Variants in MRTFA observed in about 807,000 individuals in gnomAD.
MRTFA encodes myocardin related transcription factor A, also known as myocardin-related transcription factor A.
A neutral mutation model predicts 83.5 loss-of-function variants in MRTFA; 20 were observed. That is an observed-to-expected ratio of 0.24 (90% CI 0.17 to 0.35). The LOEUF (loss-of-function observed/expected upper bound fraction) is 0.35. MRTFA is among the 10% of genes least tolerant of loss of function. The pLI is 1.00. For missense variants in MRTFA, 1,200 were observed against 1,224.7 expected (o/e 0.98, Z 0.30); for synonymous variants, 659 against 541.2 (o/e 1.22, Z -3.02).
chr22:40,565,540 C>T (rs1011908517), intron 2 of MRTFA, among the ~76,000 whole-genome samples: 1 of 152,006 alleles, frequency 6.6e-6, no homozygotes, highest in Admixed American at 6.6e-5. Flanking sequence ...GAGCGAGACT[C>T]GATCCCCACT....
chr22:40,429,864 G>T, intron 6 of MRTFA, 97 bp from the exon 7 acceptor site: 1 of 1,273,134 alleles, frequency 7.9e-7, no homozygotes, highest in Non-Finnish European at 1.1e-6. Context: ...CTGGGCAAGA[G>T]GAGTGACTGT....
Position 40,513,613 on chromosome 22 carries a change from A to G in MRTFA, c.241+38493T>C, listed in dbSNP as rs548383541. On this transcript the variant is annotated intron_variant, in intron 3 of 14. Transcript: ENST00000355630. ...CGAAGACTCCATCTCAAAAAAAAAA[A>G]AAAAAGAAAAAGAAAAGGAAAAGAC... 8.0e-4 allele frequency among the ~76,000 whole-genome samples: 121 copies of G among 151,704 alleles called. 2 individuals carry two copies. The South Asian group carries it at 0.01, about 13-fold the overall frequency.
At chr22:40,413,678 C>T (rs2052612689) in intron 14 of MRTFA, among the ~76,000 whole-genome samples, 1 of 152,152 alleles carries the variant, frequency 6.6e-6, no homozygotes, top group South Asian at 2.1e-4. Flanking sequence ...CTCCTGACCT[C>T]GTGATTTGCC....
At chr22:40,453,001 G>A (rs1246209051) in intron 4 of MRTFA, among the ~76,000 whole-genome samples, 1 of 152,074 alleles carries the variant, frequency 6.6e-6, no homozygotes, top group African/African-American at 2.4e-5. Context: ...GATCACTGAG[G>A]TAGAAACACA....
chr22:40,612,542 C>A (rs1430780002), intron 1 of MRTFA, among the ~76,000 whole-genome samples: 1 of 152,110 alleles, frequency 6.6e-6, no homozygotes, highest in Non-Finnish European at 1.5e-5. Flanking sequence ...TTTTAATCAA[C>A]TTTGAAGTAT....
At chr22:40,478,443 C>G (rs1371723484) in intron 3 of MRTFA, among the ~76,000 whole-genome samples, 1 of 152,150 alleles carries the variant, frequency 6.6e-6, no homozygotes, top group African/African-American at 2.4e-5. Flanking sequence ...TAACTTTCTT[C>G]TAAGTCTAAA....
intron 2 of MRTFA, among the ~76,000 whole-genome samples, chr22:40,570,273 A>C (rs934016932): frequency 6.6e-6 from 1 of 152,084 alleles, no homozygotes; most frequent in Non-Finnish European, 1.5e-5. Flanking sequence ...ATTTCTAGGA[A>C]ATGTCCTTTT....
chr22:40,622,167 T>C (rs1354058549), intron 1 of MRTFA, among the ~76,000 whole-genome samples: 1 of 151,778 alleles, frequency 6.6e-6, no homozygotes, highest in Non-Finnish European at 1.5e-5. Flanking sequence ...GGGCTAGGAG[T>C]CTTTGCAGGC....
At chr22:40,467,479 G>C (rs1306910923) in intron 3 of MRTFA, among the ~76,000 whole-genome samples, 1 of 151,992 alleles carries the variant, frequency 6.6e-6, no homozygotes, top group Non-Finnish European at 1.5e-5. Flanking sequence ...TAAACAAAAT[G>C]ACTTTACATT....
chr22:40,532,874 T>C (rs2055106554), intron 3 of MRTFA, among the ~76,000 whole-genome samples: 1 of 152,228 alleles, frequency 6.6e-6, no homozygotes, highest in South Asian at 2.1e-4. Flanking sequence ...GATTACATTT[T>C]AGTAGAGATC....
At chr22:40,449,287 A>AAAAAG (rs1309968636) in intron 4 of MRTFA, among the ~76,000 whole-genome samples, 1 of 151,600 alleles carries the variant, frequency 6.6e-6, no homozygotes, top group Admixed American at 6.6e-5. Flanking sequence ...AAAAAAAAAA[A>AAAAAG]AAAAGAAAAG....
intron 3 of MRTFA, among the ~76,000 whole-genome samples, chr22:40,465,518 T>C (rs994661666): frequency 1.3e-5 from 2 of 152,182 alleles, no homozygotes; most frequent in Admixed American, 6.5e-5. Flanking sequence ...TACATTCTTT[T>C]ATATTTTAAC....
chr22:40,474,523 G>A lies in MRTFA; in HGVS notation c.242-11237C>T, dbSNP rs1386646991. On this transcript the variant is annotated intron_variant, in intron 3 of 14. Transcript: ENST00000355630. The stretch of plus-strand genomic sequence containing the variant: ...CTTGCTTGGATGCTCTAGAGTTCAT[G>A]TACTAGTTGGTCAGCACATATACTT... Among the ~76,000 whole-genome samples the A allele has an allele frequency of 2.0e-5, 3 of 152,206 alleles. 1 individual carries two copies. The highest frequency in any genetic ancestry group is 7.2e-5 in the African/African-American group (3 of 41,452).
chr22:40,484,860 CAGG>C (rs1187220644), intron 3 of MRTFA, among the ~76,000 whole-genome samples: 1 of 151,834 alleles, frequency 6.6e-6, no homozygotes. Context: ...ATCACGAGGT[CAGG>C]AGATCGAGAC....
chr22:40,622,591 G>A (rs189924512), intron 1 of MRTFA, among the ~76,000 whole-genome samples: 1 of 152,152 alleles, frequency 6.6e-6, no homozygotes, highest in Admixed American at 6.6e-5. Context: ...GAGATGTGCA[G>A]AGAGATTTAA....
At chr22:40,579,848 G>A (rs1221138293) in intron 2 of MRTFA, among the ~76,000 whole-genome samples, 5 of 140,626 alleles carry the variant, frequency 3.6e-5, no homozygotes, top group South Asian at 2.3e-4. Flanking sequence ...CAACAAGAGC[G>A]AAACTCCATC....
At chr22:40,420,375 A>G in intron 11 of MRTFA, 30 bp downstream of exon 11, 3 of 1,603,100 alleles carry the variant, frequency 1.9e-6, no homozygotes, top group Non-Finnish European at 2.6e-6. Context: ...CCAGGCTGGC[A>G]GTGGCTCAAG....
At position 40,627,060 on chromosome 22, in the gene MRTFA, C is replaced by T. The variant is rs1305512290; in HGVS notation, c.-84+9418G>A. 2.6e-5 allele frequency among the ~76,000 whole-genome samples: 4 copies of T among 151,764 alleles called. No homozygotes were observed. In the East Asian group the frequency reaches 7.8e-4, roughly 29 times the overall value. On this transcript the variant is annotated intron_variant, in intron 1 of 14. Coordinates refer to ENST00000355630, the MANE Select transcript of MRTFA (RefSeq NM_020831.6). ...TAACCACAATCAAGAGACCCTGGATCACTTACCCCATTTACAATTTAAAAG... is the reference window on the plus strand; with the variant it reads ...TAACCACAATCAAGAGACCCTGGATTACTTACCCCATTTACAATTTAAAAG...
chr22:40,624,744 G>A (rs144635615), intron 1 of MRTFA, among the ~76,000 whole-genome samples: 11 of 152,286 alleles, frequency 7.2e-5, no homozygotes, highest in Non-Finnish European at 1.0e-4. Flanking sequence ...TTAACTCAGC[G>A]TTATTTGGGA....
Sources: allele counts gnomAD v4.1 joint callset (sites outside exome capture counted in the v4.1 genomes callset), GRCh38; gene constraint gnomAD v4.1.1; transcripts MANE v1.5; gene names NCBI Gene and HGNC (gene_info 2026-07-23, HGNC 2026-07-21).